ITPR1: variants seen among roughly 807,000 people sequenced by gnomAD.
ITPR1 encodes the protein inositol 1,4,5-trisphosphate receptor type 1.
Under a neutral mutation model 318.4 loss-of-function variants are expected in ITPR1, and 96 were observed. The ratio of observed to expected loss-of-function variants is 0.30; its 90% CI spans 0.26 to 0.36. The LOEUF (loss-of-function observed/expected upper bound fraction) is 0.36. ITPR1 is among the 10% of genes least tolerant of loss of function. The probability of loss-of-function intolerance (pLI) is 1.00; values close to 1 mark genes in which losing one functional copy is unlikely to be tolerated. For missense variants in ITPR1, 2,440 were observed against 3,460.2 expected, an observed-to-expected ratio of 0.71 and a Z score of 7.40; for synonymous variants, 1,312 against 1,289.9, an observed-to-expected ratio of 1.02 and a Z score of -0.37.
chr3:4,806,136 G>C lies in ITPR1; in HGVS notation c.7141G>C (p.Val2381Leu), dbSNP rs1377624391. Residue 2381 changes from valine (V) to leucine (L), a missense_variant, in exon 55 of 62, where the codon GTG becomes CTG. This residue lies in a region of ITPR1 where 126 missense variants were observed against 150.8 expected (regional missense o/e 0.84). Transcript: ENST00000649015. ...TAAAATCATCTTTCTAATGAGCTTTGTGGGCAACTGTGGGACATTCACAAG... is the reference window on the plus strand; with the variant it reads ...TAAAATCATCTTTCTAATGAGCTTTCTGGGCAACTGTGGGACATTCACAAG... ...CNKIIFLMSFVGNCGTFTRGY... is the reference protein window; with the variant it reads ...CNKIIFLMSFLGNCGTFTRGY... 3 of 1,613,828 alleles carry C rather than the reference G, an allele frequency of 1.9e-6. No individual in the cohort carries two copies. Among genetic ancestry groups the C allele is most frequent in the Admixed American group, 1.7e-5 (1 of 60,012 alleles).
chr3:4,602,957 A>G (rs2091411215), intron 4 of ITPR1, among the ~76,000 whole-genome samples: 1 of 152,144 alleles, frequency 6.6e-6, no homozygotes, highest in South Asian at 2.1e-4. Context: ...ATTTTCTAAA[A>G]ACTGCTGAGT....
At position 4,768,699 on chromosome 3, in the gene ITPR1, A is replaced by G; in HGVS notation, c.5914A>G (p.Thr1972Ala). The G allele has an allele frequency of 6.2e-7, 1 of 1,613,560 alleles. No homozygotes were observed. The highest frequency in any genetic ancestry group is 8.5e-7 in the Non-Finnish European group (1 of 1,179,642). Residue 1972 changes from threonine (T) to alanine (A), a missense_variant, in exon 46 of 62, where the codon ACC (threonine) becomes GCC (alanine). Around this residue, in one of 23 missense-constraint regions of ITPR1, gnomAD observed 113 missense variants for 103.6 expected, o/e 1.09. Transcript: ENST00000649015. The part of the protein sequence containing the change: ...KDDLEMSAVI[T>A]IMQPILRFLQ... ...CGACCTGGAGATGAGCGCGGTCATC[A>G]CCATCATGCAGCCCATCCTCCGCTT...
In ITPR1 at chr3:4,611,715, C is replaced by T. The variant is rs529786728; in HGVS notation, c.164-16048C>T. Among the ~76,000 whole-genome samples the T allele has an allele frequency of 3.2e-4, 48 of 152,164 alleles. No individual in the cohort carries two copies. In the South Asian group the frequency reaches 9.2e-3, roughly 29 times the overall value. ...GAGCTGAGATCATGCCACTGCACTCCAGCTTGGGTGCCAGCGAGACCTTCT... is the reference window on the plus strand; with the variant it reads ...GAGCTGAGATCATGCCACTGCACTCTAGCTTGGGTGCCAGCGAGACCTTCT... On this transcript the variant is annotated intron_variant, in intron 4 of 61. Transcript: ENST00000649015.
intron 60 of ITPR1, among the ~76,000 whole-genome samples, chr3:4,827,065 G>C (rs997746451): frequency 7.9e-5 from 12 of 152,188 alleles, no homozygotes; most frequent in African/African-American, 2.9e-4. Context: ...GTATGAGTTT[G>C]TACATGCTTA....
chr3:4,582,244 A>G (rs2125053090), intron 4 of ITPR1, among the ~76,000 whole-genome samples: 1 of 152,218 alleles, frequency 6.6e-6, no homozygotes. Context: ...CCCTTAGCAT[A>G]TGCGCTTTGG....
intron 44 of ITPR1, chr3:4,749,502 C>T (rs1034306300): frequency 6.6e-6 from 1 of 152,118 alleles, no homozygotes; most frequent in African/African-American, 2.4e-5. Flanking sequence ...TTAAGTGGGG[C>T]CTCCATATAC....
chr3:4,744,922 T>TTCCCTCCCTCCC lies in ITPR1; in HGVS notation c.5544+9571_5544+9572insCTCCCTCCCTCC, dbSNP rs1491326284. Among the ~76,000 whole-genome samples, 6 of 41,836 alleles carry TTCCCTCCCTCCC rather than the reference T, an allele frequency of 1.4e-4. 1 individual carries two copies. In the East Asian group the frequency reaches 0.016, roughly 109 times the overall value. 27.4% of individuals were successfully genotyped at this position (41,836 alleles called of 152,430 possible). A position where few individuals can be genotyped will look rare whatever the true frequency, so the allele number is the denominator to read the frequency against. ...CCTCCTTCCTTCCTTCCTTCCTTCCTTCCTTCCTTCCTTCCTTCCTTCCTT... is the reference window on the plus strand; with the variant it reads ...CCTCCTTCCTTCCTTCCTTCCTTCCTTCCCTCCCTCCCTCCTTCCTTCCTTCCTTCCTTCCTT... On this transcript the variant is annotated intron_variant, in intron 44 of 61. Transcript: ENST00000649015.
intron 4 of ITPR1, among the ~76,000 whole-genome samples, chr3:4,584,955 T>C (rs2089734089): frequency 1.3e-5 from 2 of 151,798 alleles, no homozygotes; most frequent in Admixed American, 1.3e-4. Flanking sequence ...AACAGAAGGG[T>C]AGCTTTTGAA....
At chr3:4,718,300 T>C (rs1284012972) in intron 40 of ITPR1, among the ~76,000 whole-genome samples, 1 of 152,212 alleles carries the variant, frequency 6.6e-6, no homozygotes, top group Non-Finnish European at 1.5e-5. Flanking sequence ...CTTTTAAAAG[T>C]CACTTCTCTG....
intron 31 of ITPR1, 92 bp downstream of exon 31, chr3:4,688,712 T>TA: frequency 2.4e-6 from 3 of 1,276,154 alleles, no homozygotes; most frequent in Non-Finnish European, 3.3e-6. Context: ...TTGTGGCTTC[T>TA]GGGGCTTGTT....
At chr3:4,714,541 G>A (rs529488497) in intron 39 of ITPR1, among the ~76,000 whole-genome samples, 5 of 152,302 alleles carry the variant, frequency 3.3e-5, no homozygotes, top group East Asian at 3.9e-4. Context: ...GAGACTGCCC[G>A]AGGTCACGTG....
rs116285961 is a variant in ITPR1 at position 4,658,886 on chromosome 3, C to T, written c.1151+608C>T. ...ATAATAATGGCTGACACTTATTGAG[C>T]GCTGACTGCATGCTAGACACAAAGC... On this transcript the variant is annotated intron_variant, in intron 13 of 61. Transcript: ENST00000649015. Among the ~76,000 whole-genome samples, 931 of 152,160 alleles carry T rather than the reference C, an allele frequency of 6.1e-3. 3 individuals are homozygous for T. Among genetic ancestry groups the T allele is most frequent in the African/African-American group, 0.021 (868 of 41,520 alleles).
intron 10 of ITPR1, among the ~76,000 whole-genome samples, chr3:4,648,100 C>T (rs948370483): frequency 6.6e-5 from 10 of 151,820 alleles, no homozygotes; most frequent in South Asian, 2.1e-4. Context: ...TGTGGTAAGC[C>T]GAGAGTGCAC....
chr3:4,790,094 C>A (rs1300577364), intron 52 of ITPR1, among the ~76,000 whole-genome samples: 1 of 152,126 alleles, frequency 6.6e-6, no homozygotes, highest in Non-Finnish European at 1.5e-5. Context: ...CTCCAAAAGG[C>A]TTATTTTGGA....
At chr3:4,696,297 G>C (rs1048976727) in intron 33 of ITPR1, among the ~76,000 whole-genome samples, 2 of 152,060 alleles carry the variant, frequency 1.3e-5, no homozygotes, top group Non-Finnish European at 2.9e-5. Flanking sequence ...CCTAATCCTA[G>C]GCAACTGATT....
At chr3:4,663,005 A>G (rs779821976) in intron 15 of ITPR1, 60 bp from the exon 16 acceptor site, 11 of 1,527,650 alleles carry the variant, frequency 7.2e-6, no homozygotes, top group Non-Finnish European at 9.9e-6. Context: ...TTCCAAGGCA[A>G]AGCTTCCAGC....
intron 42 of ITPR1, among the ~76,000 whole-genome samples, chr3:4,731,159 A>T (rs958874223): frequency 6.6e-6 from 1 of 152,206 alleles, no homozygotes; most frequent in African/African-American, 2.4e-5. Flanking sequence ...GCTTTCTTGA[A>T]TGTAGCTTTC....
chr3:4,667,013 G>A (rs2093963149), intron 17 of ITPR1, among the ~76,000 whole-genome samples: 1 of 152,204 alleles, frequency 6.6e-6, no homozygotes, highest in Admixed American at 6.5e-5. Flanking sequence ...ACAGATCACT[G>A]GGGGCACAGT....
intron 4 of ITPR1, among the ~76,000 whole-genome samples, chr3:4,522,805 G>A (rs2082666315): frequency 6.6e-6 from 1 of 152,186 alleles, no homozygotes; most frequent in Non-Finnish European, 1.5e-5. Flanking sequence ...ATTAGCTCAG[G>A]GAGCCATCCC....
Sources: allele counts gnomAD v4.1 joint callset (sites outside exome capture counted in the v4.1 genomes callset), GRCh38; gene constraint gnomAD v4.1.1; regional missense constraint gnomAD v4.1.1; transcripts MANE v1.5; gene names NCBI Gene and HGNC (gene_info 2026-07-23, HGNC 2026-07-21).